The following SEMA3D variants were observed in gnomAD, a reference collection of about 807,000 sequenced individuals.
SEMA3D encodes the protein semaphorin 3D, also known as semaphorin-3D.
A neutral mutation model predicts 100.1 loss-of-function variants in SEMA3D; 84 were observed. That is an observed-to-expected ratio of 0.84 (90% confidence interval 0.70 to 1.01). The LOEUF is 1.01. Among genes scored for constraint, SEMA3D ranks in the 50% least tolerant of loss-of-function variants. The pLI, the probability that SEMA3D is intolerant of heterozygous loss-of-function variation, is 0.00. For missense variants in SEMA3D, 875 were observed against 934.1 expected (o/e 0.94, Z 0.82); for synonymous variants, 312 against 320.7 (o/e 0.97, Z 0.29).
intron 1 of SEMA3D, among the ~76,000 whole-genome samples, chr7:85,168,133 C>T (rs1035409724): frequency 1.9e-4 from 29 of 151,846 alleles, no homozygotes; most frequent in East Asian, 1.6e-3. Flanking sequence ...GATTAATCAA[C>T]CTGTGGCTCT....
At chr7:85,151,744 C>A (rs1017231425) in intron 2 of SEMA3D, 1 of 910,448 alleles carries the variant, frequency 1.1e-6, no homozygotes, top group South Asian at 5.1e-5. Context: ...CTGTTTAGTT[C>A]ATCACATTGA....
intron 12 of SEMA3D, chr7:85,028,384 C>CAAAAA (rs61589019): frequency 1.6e-4 from 30 of 183,846 alleles, no homozygotes; most frequent in East Asian, 7.7e-4. Flanking sequence ...ACAGTTTAGA[C>CAAAAA]AAAAAAAAAA....
chr7:85,225,169 A>G, the SEMA3D span, among the ~76,000 whole-genome samples: 3 of 142,236 alleles, frequency 2.1e-5, no homozygotes, highest in Non-Finnish European at 4.5e-5. Flanking sequence ...ATAAATATAT[A>G]TATAAAATAC....
chr7:85,242,136 G>A, the SEMA3D span, among the ~76,000 whole-genome samples: 1 of 151,930 alleles, frequency 6.6e-6, no homozygotes, highest in Non-Finnish European at 1.5e-5. Flanking sequence ...TCAGCCTTTG[G>A]TTTTGTTGAT....
At chr7:85,017,284 C>G (rs1312991618) in intron 15 of SEMA3D, among the ~76,000 whole-genome samples, 1 of 151,730 alleles carries the variant, frequency 6.6e-6, no homozygotes, top group Non-Finnish European at 1.5e-5. Flanking sequence ...TTTCTTGTCT[C>G]TGTCTTTCTA....
chr7:85,177,005 T>C, intron 1 of SEMA3D, among the ~76,000 whole-genome samples: 1 of 152,144 alleles, frequency 6.6e-6, no homozygotes, highest in East Asian at 1.9e-4. Flanking sequence ...TTCAGTATAG[T>C]AGCATGCTGT....
the SEMA3D span, among the ~76,000 whole-genome samples, chr7:85,249,912 A>G: frequency 6.6e-6 from 1 of 152,166 alleles, no homozygotes. Flanking sequence ...TCCCAGCGTG[A>G]GCGACGCAGA....
At chr7:85,041,211 C>A (rs35477690) in intron 10 of SEMA3D, 2,138 of 152,520 alleles carry the variant, frequency 0.014, 27 homozygotes, top group Non-Finnish European at 0.022. Flanking sequence ...GTGCCCACCA[C>A]CAGCCCGGCT....
intron 9 of SEMA3D, among the ~76,000 whole-genome samples, chr7:85,043,334 G>A: frequency 6.6e-6 from 1 of 151,894 alleles, no homozygotes; most frequent in East Asian, 1.9e-4. Flanking sequence ...TTCCAGCCTG[G>A]GTGGCAGAGC....
chr7:85,065,695 GA>G, intron 7 of SEMA3D, 143 bp from the exon 8 acceptor site: 1 of 636,686 alleles, frequency 1.6e-6, no homozygotes, highest in Non-Finnish European at 2.6e-6. Flanking sequence ...CACAGATTTT[GA>G]AAATTTATCT....
At chr7:85,198,343 G>T in the SEMA3D span, among the ~76,000 whole-genome samples, 1 of 151,862 alleles carries the variant, frequency 6.6e-6, no homozygotes. Flanking sequence ...TGTATATAAA[G>T]CTTATTGATT....
chr7:85,234,720 T>A, the SEMA3D span, among the ~76,000 whole-genome samples: 5 of 152,092 alleles, frequency 3.3e-5, no homozygotes, highest in Admixed American at 2.0e-4. Flanking sequence ...TAAAAGAAAA[T>A]AACAGGTGTG....
At chr7:85,078,136 T>C (rs1787937436) in intron 5 of SEMA3D, among the ~76,000 whole-genome samples, 1 of 152,130 alleles carries the variant, frequency 6.6e-6, no homozygotes, top group Non-Finnish European at 1.5e-5. Context: ...AAAATAAACA[T>C]CAAAATGTCA....
Position 85,062,282 on chromosome 7 carries a change from A to T in SEMA3D, c.718+3142T>A, listed in dbSNP as rs546124872. On this transcript the variant is annotated intron_variant, in intron 8 of 18. Coordinates refer to ENST00000284136, the MANE Select transcript of SEMA3D (RefSeq NM_001384900.1). The stretch of plus-strand genomic sequence containing the variant: ...AGTGCCAAAGATAGGACTAGCATGG[A>T]TATTATATAAAATAATTTTGAATGG... Among the ~76,000 whole-genome samples, 9 of 152,328 alleles carry T rather than the reference A, an allele frequency of 5.9e-5. No homozygotes were observed. The East Asian group carries it at 1.7e-3, about 29-fold the overall frequency.
intron 2 of SEMA3D, among the ~76,000 whole-genome samples, chr7:85,126,366 A>G (rs1789563745): frequency 7.3e-6 from 1 of 136,586 alleles, no homozygotes; most frequent in African/African-American, 2.8e-5. Flanking sequence ...TAGATTTAGG[A>G]TTCTTTCTCG....
intron 8 of SEMA3D, among the ~76,000 whole-genome samples, chr7:85,058,318 T>G (rs890038567): frequency 1.3e-5 from 2 of 152,166 alleles, no homozygotes; most frequent in Non-Finnish European, 2.9e-5. Flanking sequence ...TTCAATGTCT[T>G]CCCCAACCCC....
intron 9 of SEMA3D, among the ~76,000 whole-genome samples, chr7:85,043,289 G>T (rs956173956): frequency 1.3e-5 from 2 of 152,182 alleles, no homozygotes; most frequent in Admixed American, 6.6e-5. Context: ...AGCCCAGGGG[G>T]TTGAGGCTGC....
intron 1 of SEMA3D, among the ~76,000 whole-genome samples, chr7:85,173,186 C>A (rs1791133207): frequency 1.3e-5 from 2 of 151,904 alleles, no homozygotes; most frequent in Non-Finnish European, 1.5e-5. Flanking sequence ...ATACATTGAA[C>A]ATTTGAGGGT....
At chr7:85,132,925 G>A (rs1789766716) in intron 2 of SEMA3D, among the ~76,000 whole-genome samples, 1 of 151,734 alleles carries the variant, frequency 6.6e-6, no homozygotes, top group Admixed American at 6.6e-5. Flanking sequence ...TACGTATAAG[G>A]GAGTAGTTCC....
Sources: gnomAD v4.1 joint callset for allele counts (sites outside exome capture counted in the v4.1 genomes callset) on GRCh38, gnomAD v4.1.1 for gene constraint, MANE v1.5 for transcripts, NCBI Gene and HGNC (gene_info 2026-07-23, HGNC 2026-07-21) for gene names.